ROS1: variants seen among roughly 807,000 people sequenced by gnomAD.
ROS1 encodes the protein proto-oncogene tyrosine-protein kinase ROS.
In ROS1, 263 loss-of-function variants were observed where a neutral mutation model predicts 273.5. The ratio of observed to expected loss-of-function variants is 0.96; its 90% confidence interval spans 0.87 to 1.06. ROS1 has a LOEUF of 1.06. Ranked by LOEUF, ROS1 falls within the 50% of genes least tolerant of loss-of-function variation. The pLI is 0.00. For missense variants in ROS1, 2,833 were observed against 2,751.1 expected, an observed-to-expected ratio of 1.03 and a Z score of -0.67; for synonymous variants, 1,008 against 954.1, an observed-to-expected ratio of 1.06 and a Z score of -1.04.
At chr6:117,397,950 CTT>C (rs899289249) in intron 7 of ROS1, among the ~76,000 whole-genome samples, 2 of 152,296 alleles carry the variant, frequency 1.3e-5, no homozygotes, top group African/African-American at 4.8e-5. Context: ...CCTCTGAACA[CTT>C]TTGGCAAATG....
chr6:117,322,855 C>A (rs113239797), intron 35 of ROS1, among the ~76,000 whole-genome samples: 1,838 of 152,190 alleles, frequency 0.012, 10 homozygotes, highest in South Asian at 0.029. Flanking sequence ...GAATAAAGAC[C>A]TTTAAGTCCT....
chr6:117,377,563 G>A (rs949016608), intron 18 of ROS1, among the ~76,000 whole-genome samples: 17 of 151,788 alleles, frequency 1.1e-4, no homozygotes, highest in South Asian at 4.2e-4. Context: ...ATAAATTTAC[G>A]ATGAATTATA....
chr6:117,296,382 C>A (rs1397514348), intron 43 of ROS1, among the ~76,000 whole-genome samples: 2 of 146,320 alleles, frequency 1.4e-5, no homozygotes, highest in African/African-American at 5.0e-5. Flanking sequence ...GTCTGAGGGA[C>A]AGAGTGAGAC....
chr6:117,408,662 C>T (rs1465876836), intron 5 of ROS1, among the ~76,000 whole-genome samples: 2 of 152,154 alleles, frequency 1.3e-5, no homozygotes, highest in African/African-American at 4.8e-5. Flanking sequence ...GTGGCGATTC[C>T]TTAGGGATCT....
chr6:117,359,902 A>G lies in ROS1; in HGVS notation c.3540T>C (p.Ser1180=). 6.2e-7 allele frequency: 1 copy of G among 1,613,864 alleles called. No homozygotes were observed. The highest frequency in any genetic ancestry group is 1.1e-5 in the South Asian group (1 of 91,082). Reference sequence around the variant, plus strand: ...CATTATCAGCTGTGTAGCAAACGGCACTGATAACTCTTTCTGCTGAAAACG... The same window carrying G: ...CATTATCAGCTGTGTAGCAAACGGCGCTGATAACTCTTTCTGCTGAAAACG... ...VWTFSAERVI[S]AVCYTADNEM... Residue 1180 remains serine (S), a synonymous_variant, in exon 24 of 44, where the codon AGT becomes AGC. Coordinates refer to ENST00000368507, the MANE Select transcript of ROS1 (RefSeq NM_001378902.1).
chr6:117,324,723 A>C (rs1263401666), intron 34 of ROS1, among the ~76,000 whole-genome samples: 1 of 152,152 alleles, frequency 6.6e-6, no homozygotes, highest in Non-Finnish European at 1.5e-5. Context: ...GGACCAAGAA[A>C]TCTCAGTCTT....
chr6:117,343,594 A>G (rs1470076544), intron 28 of ROS1, among the ~76,000 whole-genome samples: 1 of 152,242 alleles, frequency 6.6e-6, no homozygotes, highest in African/African-American at 2.4e-5. Flanking sequence ...GCATAGCAGT[A>G]TATTTCTCTG....
chr6:117,415,618 G>A (rs981995257), intron 3 of ROS1, among the ~76,000 whole-genome samples: 4 of 152,178 alleles, frequency 2.6e-5, no homozygotes, highest in African/African-American at 9.7e-5. Context: ...AAGGGGTTAA[G>A]TACCTTAAGT....
intron 35 of ROS1, among the ~76,000 whole-genome samples, chr6:117,323,200 G>C (rs1363544189): frequency 6.6e-6 from 1 of 152,094 alleles, no homozygotes; most frequent in Non-Finnish European, 1.5e-5. Flanking sequence ...AGCTTTCCAA[G>C]TTTGCTGAAG....
intron 13 of ROS1, among the ~76,000 whole-genome samples, chr6:117,388,700 C>G (rs1415244228): frequency 6.6e-6 from 1 of 152,176 alleles, no homozygotes; most frequent in Non-Finnish European, 1.5e-5. Flanking sequence ...TATTTACTAT[C>G]TGGTCTTTCC....
chr6:117,295,405 A>T (rs1251505656), intron 43 of ROS1, among the ~76,000 whole-genome samples: 3 of 152,206 alleles, frequency 2.0e-5, no homozygotes, highest in Non-Finnish European at 4.4e-5. Flanking sequence ...ATACTGGGGA[A>T]AATCTCCAGG....
rs1780205071 is a variant in ROS1 at position 117,366,115 on chromosome 6, G to T, written c.2758C>A (p.Gln920Lys). ...VSVLEPARFN[Q>K]FTIIQTSLKP... ...AGGGATGTCTGAATAATTGTGAACT[G>T]ATTAAATCTGGCTGGTTCCAAAACA... The change falls in exon 19 of 44, where the codon CAG becomes AAG. Residue 920 changes from glutamine (Q) to lysine (K), a missense_variant. Physicochemically the swap from Gln to Lys is moderately conservative, Grantham distance 53. Transcript: ENST00000368507. 6.2e-7 allele frequency: 1 copy of T among 1,614,144 alleles called. No homozygotes were observed. The highest frequency in any genetic ancestry group is 1.1e-5 in the South Asian group (1 of 91,084).
intron 35 of ROS1, among the ~76,000 whole-genome samples, chr6:117,322,784 C>T (rs1659447127): frequency 6.6e-6 from 1 of 152,150 alleles, no homozygotes; most frequent in African/African-American, 2.4e-5. Context: ...ACATGCACTG[C>T]TGCTAAAAGC....
rs146664081 is a variant in ROS1, at chr6:117,395,811, T to C, written c.883+377A>G. 5.4e-4 allele frequency among the ~76,000 whole-genome samples: 82 copies of C among 152,120 alleles called. No individual in the cohort carries two copies. The East Asian group carries it at 0.012, about 22-fold the overall frequency. On this transcript the variant is annotated intron_variant, in intron 9 of 43. Coordinates refer to ENST00000368507, the MANE Select transcript of ROS1 (RefSeq NM_001378902.1). ...AGATACTGGAAAACAATGTCTGATATATATTAAATAATTATATATAATCTA... is the reference window on the plus strand; with the variant it reads ...AGATACTGGAAAACAATGTCTGATACATATTAAATAATTATATATAATCTA...
chr6:117,367,082 C>A (rs1780319731), intron 18 of ROS1, among the ~76,000 whole-genome samples: 1 of 152,070 alleles, frequency 6.6e-6, no homozygotes. Context: ...AAACCAATGC[C>A]TGAAGTATAA....
intron 34 of ROS1, among the ~76,000 whole-genome samples, chr6:117,325,522 T>C (rs577962742): frequency 1.3e-5 from 2 of 152,258 alleles, no homozygotes; most frequent in South Asian, 2.1e-4. Context: ...AAGCAGTAAA[T>C]GGAGAGCCAT....
intron 18 of ROS1, among the ~76,000 whole-genome samples, chr6:117,369,742 C>G (rs543322269): frequency 6.6e-6 from 1 of 152,228 alleles, no homozygotes; most frequent in South Asian, 2.1e-4. Flanking sequence ...AAGGAATAAT[C>G]AGTTTTCTCT....
chr6:117,350,577 A>G (rs1215144808), intron 27 of ROS1, among the ~76,000 whole-genome samples: 4 of 151,708 alleles, frequency 2.6e-5, no homozygotes, highest in Middle Eastern at 3.4e-3. Context: ...TTTCCTCCAA[A>G]TATTTCTTCT....
At chr6:117,312,135 T>C (rs1379866828) in intron 39 of ROS1, among the ~76,000 whole-genome samples, 3 of 152,130 alleles carry the variant, frequency 2.0e-5, no homozygotes, top group East Asian at 1.9e-4. Flanking sequence ...ACTGGTCCGA[T>C]TGCAGTTCCT....
Sources: gnomAD v4.1 joint callset for allele counts (sites outside exome capture counted in the v4.1 genomes callset) on GRCh38, gnomAD v4.1.1 for gene constraint, MANE v1.5 for transcripts, NCBI Gene and HGNC (gene_info 2026-07-23, HGNC 2026-07-21) for gene names.